The following UBE4B variants were observed in gnomAD, a reference collection of about 807,000 sequenced individuals.
UBE4B encodes ubiquitin conjugation factor E4 B.
Under a neutral mutation model 148.1 loss-of-function variants are expected in UBE4B, and 27 were observed. The ratio of observed to expected loss-of-function variants is 0.18; its 90% confidence interval spans 0.13 to 0.25. The LOEUF is 0.25. Ranked by LOEUF, UBE4B falls within the 10% of genes least tolerant of loss-of-function variation. The pLI, the probability that UBE4B is intolerant of heterozygous loss-of-function variation, is 1.00. For synonymous variants in UBE4B, 596 were observed against 619.3 expected (o/e 0.96, Z 0.56); for missense variants, 1,170 against 1,662.4 (o/e 0.70, Z 5.15).
intron 11 of UBE4B, 94 bp downstream of exon 11, chr1:10,126,971 A>C: frequency 8.9e-7 from 1 of 1,121,204 alleles, no homozygotes; most frequent in South Asian, 1.3e-5. Context: ...CATGAGATCA[A>C]CCTTGTTTTC....
intron 2 of UBE4B, among the ~76,000 whole-genome samples, chr1:10,079,481 G>A (rs754741794): frequency 3.9e-5 from 6 of 152,024 alleles, no homozygotes; most frequent in South Asian, 2.1e-4. Context: ...TTTTAAATGT[G>A]TATAATAAAA....
At chr1:10,157,259 G>C (rs1646088261) in intron 21 of UBE4B, among the ~76,000 whole-genome samples, 1 of 152,104 alleles carries the variant, frequency 6.6e-6, no homozygotes, top group Non-Finnish European at 1.5e-5. Flanking sequence ...GGCCTCAAGT[G>C]ATCTGCCTGC....
intron 2 of UBE4B, among the ~76,000 whole-genome samples, chr1:10,093,060 A>C (rs139285315): frequency 9.8e-5 from 15 of 152,350 alleles, no homozygotes; most frequent in African/African-American, 2.4e-4. Flanking sequence ...CTGGAGCTAT[A>C]TTGCTACAGT....
chr1:10,079,182 A>T (rs1194077831), intron 2 of UBE4B, among the ~76,000 whole-genome samples: 1 of 152,002 alleles, frequency 6.6e-6, no homozygotes, highest in Non-Finnish European at 1.5e-5. Context: ...ATATACTTTT[A>T]TTATTATTTT....
intron 24 of UBE4B, 177 bp from the exon 25 acceptor site, chr1:10,170,961 T>C (rs565513759): frequency 1.8e-6 from 1 of 551,920 alleles, no homozygotes; most frequent in Non-Finnish European, 3.1e-6. Flanking sequence ...AGATCAGAAA[T>C]GGGGAGTAAA....
intron 2 of UBE4B, among the ~76,000 whole-genome samples, chr1:10,074,989 C>T (rs527955615): frequency 1.3e-5 from 2 of 152,252 alleles, no homozygotes; most frequent in East Asian, 3.9e-4. Flanking sequence ...TAGCATGCCC[C>T]AAATCAAGCT....
intron 2 of UBE4B, among the ~76,000 whole-genome samples, chr1:10,083,951 A>C (rs1409571741): frequency 2.6e-5 from 4 of 152,156 alleles, no homozygotes; most frequent in Non-Finnish European, 4.4e-5. Flanking sequence ...AGACGTGTGC[A>C]GTGCTGGGAA....
intron 25 of UBE4B, among the ~76,000 whole-genome samples, chr1:10,174,855 G>A (rs900190135): frequency 6.6e-6 from 1 of 152,084 alleles, no homozygotes; most frequent in African/African-American, 2.4e-5. Context: ...GGCAGGGGGC[G>A]GTAAGTGCAG....
chr1:10,148,095 C>T (rs531657823), intron 19 of UBE4B, among the ~76,000 whole-genome samples: 3 of 151,788 alleles, frequency 2.0e-5, no homozygotes, highest in East Asian at 1.9e-4. Context: ...GGCGCTGTGG[C>T]GGGTGCCTGT....
intron 17 of UBE4B, among the ~76,000 whole-genome samples, chr1:10,138,845 A>G (rs1328702604): frequency 6.6e-6 from 1 of 152,168 alleles, no homozygotes; most frequent in Non-Finnish European, 1.5e-5. Context: ...ATATCTGTTG[A>G]GGAGACTAGA....
chr1:10,146,303 T>C (rs544193651), intron 18 of UBE4B, among the ~76,000 whole-genome samples: 52 of 152,058 alleles, frequency 3.4e-4, no homozygotes, highest in Middle Eastern at 3.4e-3. Flanking sequence ...AATACAAAAA[T>C]TAACTGGGTG....
intron 1 of UBE4B, among the ~76,000 whole-genome samples, chr1:10,055,136 A>G (rs1557515566): frequency 6.6e-6 from 1 of 152,128 alleles, no homozygotes; most frequent in Non-Finnish European, 1.5e-5. Context: ...GGTGATTTCT[A>G]GTTTAGGGAA....
intron 7 of UBE4B, among the ~76,000 whole-genome samples, chr1:10,115,128 T>C (rs908603492): frequency 6.6e-6 from 1 of 152,064 alleles, no homozygotes; most frequent in African/African-American, 2.4e-5. Context: ...AAAGTAGCAT[T>C]GTTTCTCCTT....
At chr1:10,090,740 C>T (rs555313915) in intron 2 of UBE4B, among the ~76,000 whole-genome samples, 5 of 151,492 alleles carry the variant, frequency 3.3e-5, no homozygotes, top group South Asian at 4.2e-4. Flanking sequence ...GTTTCAAGGA[C>T]GCTTTTGACA....
chr1:10,094,089 T>C (rs1418187454), intron 2 of UBE4B, among the ~76,000 whole-genome samples: 1 of 152,208 alleles, frequency 6.6e-6, no homozygotes, highest in African/African-American at 2.4e-5. Flanking sequence ...CATTCTTCTT[T>C]TTTCATAGGA....
intron 8 of UBE4B, 22 bp from the exon 9 acceptor site, chr1:10,119,491 C>T (rs943118181): frequency 4.3e-6 from 7 of 1,611,606 alleles, no homozygotes; most frequent in Non-Finnish European, 5.1e-6. Context: ...TTGTCGTCCT[C>T]ACTTCCACCT....
At chr1:10,179,290 G>A in intron 26 of UBE4B, 126 bp from the exon 27 acceptor site, 1 of 1,188,184 alleles carries the variant, frequency 8.4e-7, no homozygotes. Context: ...TAAACCTGGG[G>A]GCCTCACAGG....
intron 1 of UBE4B, among the ~76,000 whole-genome samples, chr1:10,043,283 A>C (rs1194005450): frequency 6.6e-6 from 1 of 152,006 alleles, no homozygotes; most frequent in Non-Finnish European, 1.5e-5. Flanking sequence ...TGCCGGGATT[A>C]CAGGTGTGAG....
intron 15 of UBE4B, 82 bp from the exon 16 acceptor site, chr1:10,134,906 G>T (rs1645652531): frequency 3.2e-6 from 4 of 1,238,290 alleles, no homozygotes; most frequent in Non-Finnish European, 4.5e-6. Flanking sequence ...CTTCGCTCCA[G>T]CCTGGGCAAC....
Sources: allele counts gnomAD v4.1 joint callset (sites outside exome capture counted in the v4.1 genomes callset), GRCh38; gene constraint gnomAD v4.1.1; transcripts MANE v1.5; gene names NCBI Gene and HGNC (gene_info 2026-07-23, HGNC 2026-07-21).